Variants in SNTG1 observed in about 807,000 individuals in gnomAD.
SNTG1 encodes the protein gamma-1-syntrophin.
In SNTG1, 39 loss-of-function variants were observed where a neutral mutation model predicts 74.7. The observed-to-expected ratio is 0.52, with a 90% CI of 0.40 to 0.68. The LOEUF (loss-of-function observed/expected upper bound fraction) is 0.68. Among genes scored for constraint, SNTG1 ranks in the 30% least tolerant of loss-of-function variants. The pLI is 0.00. For missense variants in SNTG1, 685 were observed against 609.5 expected (o/e 1.12, Z -1.30); for synonymous variants, 254 against 217.1 (o/e 1.17, Z -1.49).
chr8:50,086,637 T>G (rs1221123208), intron 1 of SNTG1, among the ~76,000 whole-genome samples: 1 of 152,022 alleles, frequency 6.6e-6, no homozygotes, highest in Non-Finnish European at 1.5e-5. Flanking sequence ...GCCTGAGGCA[T>G]GGGAGGCTGT....
intron 15 of SNTG1, among the ~76,000 whole-genome samples, chr8:50,688,879 C>T (rs1328103498): frequency 2.6e-5 from 4 of 151,970 alleles, no homozygotes; most frequent in Admixed American, 2.6e-4. Context: ...TTGATTCTTC[C>T]TACCCATGAG....
chr8:50,277,482 A>G (rs1488046990), intron 2 of SNTG1, among the ~76,000 whole-genome samples: 4 of 152,168 alleles, frequency 2.6e-5, no homozygotes, highest in African/African-American at 9.7e-5. Context: ...ATAATTTCTT[A>G]TCGAAAGTAA....
chr8:50,484,400 A>C (rs1427320420), intron 8 of SNTG1, among the ~76,000 whole-genome samples: 2 of 151,256 alleles, frequency 1.3e-5, no homozygotes, highest in Admixed American at 1.3e-4. Context: ...TATTTAGTAG[A>C]GATGGGGTTT....
chr8:50,031,662 G>A lies in SNTG1; in HGVS notation c.-103+119431G>A, dbSNP rs10046680. 9.5e-3 allele frequency among the ~76,000 whole-genome samples: 1,449 copies of A among 152,106 alleles called. 27 individuals carry two copies. Among genetic ancestry groups the A allele is most frequent in the African/African-American group, 0.031 (1,308 of 41,524 alleles). On this transcript the variant is annotated intron_variant, in intron 1 of 18. Transcript: ENST00000642720. ...TTTTCAAATGTTAAACTAGACTTGC[G>A]ACACTAGAATAAACTACCCTTGGAT... is the stretch of plus-strand genomic sequence containing the variant.
chr8:50,668,765 G>A (rs1050642097), intron 15 of SNTG1, among the ~76,000 whole-genome samples: 3 of 151,666 alleles, frequency 2.0e-5, no homozygotes. Context: ...GTTTGCTGAG[G>A]ATGATGACTT....
intron 1 of SNTG1, among the ~76,000 whole-genome samples, chr8:49,912,623 T>C (rs1474945600): frequency 6.6e-6 from 1 of 152,238 alleles, no homozygotes; most frequent in African/African-American, 2.4e-5. Flanking sequence ...AGAGAGGGTT[T>C]AACCATGCCC....
chr8:50,374,984 C>T (rs2092346532), intron 2 of SNTG1, among the ~76,000 whole-genome samples: 1 of 152,086 alleles, frequency 6.6e-6, no homozygotes, highest in African/African-American at 2.4e-5. Context: ...TGTAATGTGT[C>T]CTGGATAAGG....
chr8:50,107,318 C>T (rs962088377), intron 1 of SNTG1, among the ~76,000 whole-genome samples: 1 of 151,784 alleles, frequency 6.6e-6, no homozygotes, highest in African/African-American at 2.4e-5. Flanking sequence ...GGAATATTGG[C>T]AACATAGACA....
At chr8:50,398,340 C>T (rs911229668) in intron 3 of SNTG1, among the ~76,000 whole-genome samples, 25 of 152,350 alleles carry the variant, frequency 1.6e-4, no homozygotes, top group African/African-American at 5.5e-4. Context: ...GACATCTCTC[C>T]TGCAGCGGCC....
Position 50,740,613 on chromosome 8 carries a change from A to C in SNTG1, c.1285-11388A>C, listed in dbSNP as rs557499443. 3.3e-5 allele frequency among the ~76,000 whole-genome samples: 5 copies of C among 152,200 alleles called. No homozygotes were observed. The South Asian group carries it at 8.3e-4, about 25-fold the overall frequency. ...TCAAAGACCTAAAAATAGAAATATT[A>C]TTTAACCCATCAATCCCATTACTGA... is the stretch of plus-strand genomic sequence containing the variant. On this transcript the variant is annotated intron_variant, in intron 17 of 18. Transcript: ENST00000642720.
At chr8:49,914,131 A>T (rs1354954345) in intron 1 of SNTG1, among the ~76,000 whole-genome samples, 1 of 152,182 alleles carries the variant, frequency 6.6e-6, no homozygotes, top group Non-Finnish European at 1.5e-5. Flanking sequence ...TACCAATGCT[A>T]ATCTCTAATT....
intron 2 of SNTG1, among the ~76,000 whole-genome samples, chr8:50,370,878 A>G (rs2092251896): frequency 6.6e-6 from 1 of 152,150 alleles, no homozygotes; most frequent in South Asian, 2.1e-4. Flanking sequence ...ATGGATTAAG[A>G]ATGAAAGGAA....
intron 8 of SNTG1, among the ~76,000 whole-genome samples, chr8:50,471,294 A>G (rs1163001689): frequency 4.6e-5 from 7 of 151,356 alleles, no homozygotes; most frequent in African/African-American, 1.7e-4. Context: ...GTGTTTCAAT[A>G]GACATTGCTT....
chr8:50,754,963 G>T (rs903791816), intron 18 of SNTG1, among the ~76,000 whole-genome samples: 1 of 151,618 alleles, frequency 6.6e-6, no homozygotes, highest in African/African-American at 2.4e-5. Flanking sequence ...TTTCAGAGCA[G>T]TTTTCAGTTC....
intron 2 of SNTG1, among the ~76,000 whole-genome samples, chr8:50,202,292 A>G (rs2084016644): frequency 6.6e-6 from 1 of 152,138 alleles, no homozygotes; most frequent in Non-Finnish European, 1.5e-5. Context: ...ATTACATATC[A>G]TACAGCACAG....
intron 13 of SNTG1, among the ~76,000 whole-genome samples, chr8:50,642,889 G>T (rs1025074003): frequency 6.6e-6 from 1 of 151,962 alleles, no homozygotes; most frequent in African/African-American, 2.4e-5. Flanking sequence ...CCATCTATTT[G>T]GTTTCCTGCT....
At chr8:50,777,852 G>A (rs576195011) in intron 18 of SNTG1, among the ~76,000 whole-genome samples, 88 of 151,418 alleles carry the variant, frequency 5.8e-4, no homozygotes, top group African/African-American at 2.0e-3. Context: ...TCCCTCCCCT[G>A]TCCCCCCACC....
At chr8:50,489,098 G>T (rs80118842) in intron 8 of SNTG1, among the ~76,000 whole-genome samples, 2,829 of 152,170 alleles carry the variant, frequency 0.019, 123 homozygotes, top group East Asian at 0.12. Flanking sequence ...CCCCACAAGG[G>T]ATATGAACTC....
intron 15 of SNTG1, among the ~76,000 whole-genome samples, chr8:50,703,337 A>G (rs991925504): frequency 6.9e-6 from 1 of 145,588 alleles, no homozygotes; most frequent in Non-Finnish European, 1.5e-5. Context: ...TAAAATTTTT[A>G]TAAAAAATAA....
Sources: gnomAD v4.1 joint callset for allele counts (sites outside exome capture counted in the v4.1 genomes callset) on GRCh38, gnomAD v4.1.1 for gene constraint, MANE v1.5 for transcripts, NCBI Gene and HGNC (gene_info 2026-07-23, HGNC 2026-07-21) for gene names.